The following MIPEP variants were observed in gnomAD, a reference collection of about 807,000 sequenced individuals.
The protein encoded by MIPEP is mitochondrial intermediate peptidase.
A neutral mutation model predicts 90.3 loss-of-function variants in MIPEP; 79 were observed. The observed-to-expected ratio is 0.87, with a 90% CI of 0.73 to 1.05. The LOEUF is 1.05. Ranked by LOEUF, MIPEP falls within the 50% of genes least tolerant of loss-of-function variation. The probability of loss-of-function intolerance (pLI) is 0.00; values close to 1 mark genes in which losing one functional copy is unlikely to be tolerated. For missense variants in MIPEP, 940 were observed against 905.6 expected (o/e 1.04, Z -0.49); for synonymous variants, 334 against 315.8 (o/e 1.06, Z -0.61).
intron 17 of MIPEP, among the ~76,000 whole-genome samples, chr13:23,757,902 A>G (rs1391826647): frequency 6.6e-6 from 1 of 152,242 alleles, no homozygotes; most frequent in East Asian, 1.9e-4. Context: ...TTTAACATAC[A>G]TGACTACATA....
chr13:23,875,893 CTT>C (rs1438262596), intron 4 of MIPEP, among the ~76,000 whole-genome samples: 1 of 152,066 alleles, frequency 6.6e-6, no homozygotes, highest in African/African-American at 2.4e-5. Context: ...GTATCTTGCT[CTT>C]TCTTGTAAAA....
At chr13:23,844,131 T>A (rs898778261) in intron 10 of MIPEP, among the ~76,000 whole-genome samples, 2 of 151,670 alleles carry the variant, frequency 1.3e-5, no homozygotes, top group Non-Finnish European at 2.9e-5. Flanking sequence ...TGTACAGATA[T>A]TAGAGCCATA....
intron 16 of MIPEP, among the ~76,000 whole-genome samples, chr13:23,795,939 G>A (rs1952954703): frequency 6.6e-6 from 1 of 151,760 alleles, no homozygotes; most frequent in Non-Finnish European, 1.5e-5. Context: ...AGGCTGCAAT[G>A]AGCCATAATC....
intron 10 of MIPEP, among the ~76,000 whole-genome samples, chr13:23,844,567 G>T (rs1412494283): frequency 1.3e-5 from 2 of 151,754 alleles, no homozygotes; most frequent in Non-Finnish European, 2.9e-5. Flanking sequence ...AACTATAATT[G>T]GTTATAAAAA....
At chr13:23,869,268 T>C in intron 7 of MIPEP, 24 bp downstream of exon 7, 1 of 1,552,606 alleles carries the variant, frequency 6.4e-7, no homozygotes. Context: ...ATTTTGCCCT[T>C]AAATGTTGGA....
intron 18 of MIPEP, among the ~76,000 whole-genome samples, chr13:23,738,102 T>C (rs1413734975): frequency 6.6e-6 from 1 of 152,134 alleles, no homozygotes; most frequent in Admixed American, 6.5e-5. Context: ...CATTCATCCA[T>C]TCTATCTGTG....
At chr13:23,857,833 A>G (rs1870113116) in intron 10 of MIPEP, among the ~76,000 whole-genome samples, 1 of 152,224 alleles carries the variant, frequency 6.6e-6, no homozygotes. Context: ...AAATGCTGAA[A>G]TAAATAATTA....
At chr13:23,827,189 G>A (rs73450252) in intron 14 of MIPEP, among the ~76,000 whole-genome samples, 17,736 of 151,740 alleles carry the variant, frequency 0.12, 1,200 homozygotes, top group Non-Finnish European at 0.14. Flanking sequence ...GTGATAAAGT[G>A]GACAAAATTC....
intron 16 of MIPEP, among the ~76,000 whole-genome samples, chr13:23,769,014 C>T (rs1952622083): frequency 6.6e-6 from 1 of 152,150 alleles, no homozygotes; most frequent in African/African-American, 2.4e-5. Context: ...TGAAAAACAA[C>T]CACCACAGAA....
intron 14 of MIPEP, among the ~76,000 whole-genome samples, chr13:23,829,446 A>T (rs1029289068): frequency 6.6e-6 from 1 of 152,108 alleles, no homozygotes; most frequent in Non-Finnish European, 1.5e-5. Context: ...AAATATAAAA[A>T]CTATTAACTA....
chr13:23,756,853 A>C (rs1952495452), intron 17 of MIPEP: 1 of 529,116 alleles, frequency 1.9e-6, no homozygotes, highest in Non-Finnish European at 3.3e-6. Context: ...ACTTTTGGCT[A>C]TCTGTTCTGT....
intron 14 of MIPEP, among the ~76,000 whole-genome samples, chr13:23,812,631 A>C (rs1385983706): frequency 1.3e-5 from 2 of 152,170 alleles, no homozygotes; most frequent in Non-Finnish European, 2.9e-5. Flanking sequence ...GCTCACTGCC[A>C]TTAGGCTTTC....
intron 16 of MIPEP, among the ~76,000 whole-genome samples, chr13:23,802,647 T>C (rs755088388): frequency 6.7e-6 from 1 of 150,320 alleles, no homozygotes; most frequent in Non-Finnish European, 1.5e-5. Context: ...TTTTGCTTTA[T>C]GTTTAATGGC....
intron 16 of MIPEP, among the ~76,000 whole-genome samples, chr13:23,788,254 T>C (rs1886528): frequency 0.21 from 32,159 of 152,220 alleles, 4,038 homozygotes; most frequent in East Asian, 0.43. Context: ...ATTTATGAAT[T>C]CTTTCTAAAC....
At chr13:23,809,356 T>C (rs2137408022) in intron 15 of MIPEP, among the ~76,000 whole-genome samples, 1 of 152,024 alleles carries the variant, frequency 6.6e-6, no homozygotes, top group Admixed American at 6.5e-5. Flanking sequence ...TAGTCTTTTT[T>C]TTTTTTTGAG....
chr13:23,738,983 T>A (rs899209671), intron 18 of MIPEP, among the ~76,000 whole-genome samples: 1 of 152,236 alleles, frequency 6.6e-6, no homozygotes, highest in Non-Finnish European at 1.5e-5. Context: ...GGAAACCTGT[T>A]AAGCCTGAAA....
intron 16 of MIPEP, among the ~76,000 whole-genome samples, chr13:23,801,198 C>T (rs530280841): frequency 6.6e-6 from 1 of 152,332 alleles, no homozygotes; most frequent in South Asian, 2.1e-4. Flanking sequence ...TGGGAAGGCG[C>T]TACAAAGTCA....
intron 5 of MIPEP, among the ~76,000 whole-genome samples, chr13:23,873,678 G>T (rs1311595194): frequency 6.6e-6 from 1 of 152,226 alleles, no homozygotes; most frequent in Non-Finnish European, 1.5e-5. Flanking sequence ...ACAGATGCAG[G>T]ACTGTAGGAA....
intron 18 of MIPEP, among the ~76,000 whole-genome samples, chr13:23,750,410 C>T (rs1565981075): frequency 2.6e-5 from 4 of 152,192 alleles, no homozygotes; most frequent in African/African-American, 7.2e-5. Context: ...TTTTCAATGA[C>T]CTTGACAGTT....
Sources: allele counts gnomAD v4.1 joint callset (sites outside exome capture counted in the v4.1 genomes callset), GRCh38; gene constraint gnomAD v4.1.1; transcripts MANE v1.5; gene names NCBI Gene and HGNC (gene_info 2026-07-23, HGNC 2026-07-21).